Variants in RABIF observed in about 807,000 individuals in gnomAD.
The protein encoded by RABIF is RAB interacting factor.
RABIF carries 13 observed loss-of-function variants against 12.3 expected under a neutral mutation model. The ratio of observed to expected loss-of-function variants is 1.06; its 90% CI spans 0.69 to 1.68. The LOEUF is 1.68. Ranked by LOEUF, RABIF falls within the 40% of genes most tolerant of loss-of-function variation. The pLI, the probability that RABIF is intolerant of heterozygous loss-of-function variation, is 0.00. For synonymous variants in RABIF, 70 were observed against 63.3 expected (o/e 1.11, Z -0.50); for missense variants, 153 against 158.0 (o/e 0.97, Z 0.17).
rs1003887625 is a variant in RABIF, at chr1:202,879,448, T to C, written c.*1530A>G. 6.6e-6 allele frequency: 1 copy of C among 152,256 alleles called. No individual in the cohort carries two copies. The highest frequency in any genetic ancestry group is 1.5e-5 in the Non-Finnish European group (1 of 68,042). The allele number at this position is 152,256 out of a possible 1,614,324, so 9.4% of individuals were successfully genotyped here. A position where few individuals can be genotyped will look rare whatever the true frequency, so the allele number is the denominator to read the frequency against. On this transcript the variant is annotated 3_prime_UTR_variant, in exon 2 of 2. Coordinates refer to ENST00000367262, the MANE Select transcript of RABIF (RefSeq NM_002871.5). ...TTAGCTTAGGTTCTGGCTTGTGATG[T>C]GAGGGGCCATGTGCCCCTAGAGGCA...
intron 1 of RABIF, among the ~76,000 whole-genome samples, chr1:202,885,360 C>T (rs10753925): frequency 0.54 from 82,811 of 152,082 alleles, 23,360 homozygotes; most frequent in Non-Finnish European, 0.62. Flanking sequence ...AGTTCTCCAA[C>T]TGTTCCCATC....
Position 202,889,146 on chromosome 1 carries a change from C to A in RABIF, c.-48G>T. 6.4e-7 allele frequency: 1 copy of A among 1,553,146 alleles called. No homozygotes were observed. Among genetic ancestry groups the A allele is most frequent in the South Asian group, 1.2e-5 (1 of 83,788 alleles). On this transcript the variant is annotated 5_prime_UTR_variant, in exon 1 of 2. Transcript: ENST00000367262. ...TCAGCCACGGCTGCGCAGACGCTGT[C>A]TCTGCTGGCTCGTTATTCACTGCGC...
intron 1 of RABIF, among the ~76,000 whole-genome samples, chr1:202,884,689 G>C (rs894996822): frequency 6.6e-6 from 1 of 152,148 alleles, no homozygotes. Context: ...CCCACAGGCA[G>C]ACGCGTGACG....
At chr1:202,886,574 G>C (rs1186467904) in intron 1 of RABIF, among the ~76,000 whole-genome samples, 3 of 151,984 alleles carry the variant, frequency 2.0e-5, no homozygotes, top group Non-Finnish European at 4.4e-5. Flanking sequence ...GACAGAGGGA[G>C]ACTCCATCTC....
chr1:202,888,197 T>C (rs1302512708), intron 1 of RABIF, among the ~76,000 whole-genome samples: 1 of 152,224 alleles, frequency 6.6e-6, no homozygotes, highest in Non-Finnish European at 1.5e-5. Flanking sequence ...AATGACATTA[T>C]ATTTGCACTT....
chr1:202,881,129 A>G lies in RABIF; in HGVS notation c.221T>C (p.Met74Thr), dbSNP rs749736519. The stretch of plus-strand genomic sequence containing the variant: ...GAAGCCCACATTCTCAAAAATGAAC[A>G]TGTCCTCAACCAGCCAGTGTTCCTG... ...LLQEHWLVED[M>T]FIFENVGFTK... The change falls in exon 2 of 2, where the codon ATG (methionine) becomes ACG (threonine). Residue 74 changes from methionine (M) to threonine (T), a missense_variant. Physicochemically the swap from Met to Thr is moderately conservative, Grantham distance 81. Coordinates refer to ENST00000367262, the MANE Select transcript of RABIF (RefSeq NM_002871.5). 5 of 1,614,020 alleles carry G rather than the reference A, an allele frequency of 3.1e-6. No individual in the cohort carries two copies. The highest frequency in any genetic ancestry group is 4.2e-6 in the Non-Finnish European group (5 of 1,180,036).
intron 1 of RABIF, among the ~76,000 whole-genome samples, chr1:202,887,034 T>G (rs573694075): frequency 3.3e-4 from 50 of 151,328 alleles, no homozygotes; most frequent in Middle Eastern, 3.4e-3. Flanking sequence ...GTTTTGTTTT[T>G]TTTTTTTTTT....
chr1:202,881,745 C>T (rs955972745), intron 1 of RABIF, among the ~76,000 whole-genome samples: 10 of 152,286 alleles, frequency 6.6e-5, no homozygotes, highest in Non-Finnish European at 1.3e-4. Context: ...TCTGGGAACT[C>T]GGTTTCACTG....
intron 1 of RABIF, among the ~76,000 whole-genome samples, chr1:202,882,530 T>C (rs944615117): frequency 3.3e-5 from 5 of 152,138 alleles, no homozygotes; most frequent in African/African-American, 1.2e-4. Flanking sequence ...TACTCCAACC[T>C]GGATGACAGA....
At position 202,878,768 on chromosome 1, in the gene RABIF, T is replaced by C. The variant is rs1659446556; in HGVS notation, c.*2210A>G. Among the ~76,000 whole-genome samples, 3 of 152,276 alleles carry C rather than the reference T, an allele frequency of 2.0e-5. No homozygotes were observed. Among genetic ancestry groups the C allele is most frequent in the Middle Eastern group, 3.4e-3 (1 of 294 alleles). On this transcript the variant is annotated 3_prime_UTR_variant, in exon 2 of 2. Transcript: ENST00000367262. ...GTTGCCTCTATCTACCCACAGCAAA[T>C]AGCAGCTGATTCACAAGTATGTACT...
At chr1:202,881,794 C>T (rs1240873451) in intron 1 of RABIF, among the ~76,000 whole-genome samples, 2 of 152,220 alleles carry the variant, frequency 1.3e-5, no homozygotes, top group Non-Finnish European at 1.5e-5. Context: ...CTAGTTTCCC[C>T]GGCTCATTAT....
At chr1:202,884,693 C>T (rs1013626340) in intron 1 of RABIF, among the ~76,000 whole-genome samples, 5 of 152,136 alleles carry the variant, frequency 3.3e-5, no homozygotes, top group East Asian at 1.9e-4. Flanking sequence ...CAGGCAGACG[C>T]GTGACGGAAT....
At chr1:202,883,789 A>G (rs1372976126) in intron 1 of RABIF, among the ~76,000 whole-genome samples, 1 of 152,226 alleles carries the variant, frequency 6.6e-6, no homozygotes, top group Non-Finnish European at 1.5e-5. Context: ...TTAACGGTCC[A>G]TTCAAGGCAT....
At chr1:202,881,885 T>C (rs1571503869) in intron 1 of RABIF, among the ~76,000 whole-genome samples, 1 of 152,226 alleles carries the variant, frequency 6.6e-6, no homozygotes, top group African/African-American at 2.4e-5. Flanking sequence ...GGCTAGCTCC[T>C]CCTCAGTAGT....
chr1:202,883,151 T>C (rs964158138), intron 1 of RABIF, among the ~76,000 whole-genome samples: 3 of 152,166 alleles, frequency 2.0e-5, no homozygotes, highest in African/African-American at 7.2e-5. Flanking sequence ...CTCATATGGC[T>C]GCTGTCATAT....
At position 202,879,164 on chromosome 1, in the gene RABIF, A is replaced by G. The variant is rs559659689; in HGVS notation, c.*1814T>C. 4 of 152,278 alleles carry G rather than the reference A, an allele frequency of 2.6e-5. No individual in the cohort carries two copies. Among genetic ancestry groups the G allele is most frequent in the African/African-American group, 4.8e-5 (2 of 41,550 alleles). 9.4% of individuals were successfully genotyped at this position (152,278 alleles called of 1,614,324 possible). A position where few individuals can be genotyped will look rare whatever the true frequency, so the allele number is the denominator to read the frequency against. On this transcript the variant is annotated 3_prime_UTR_variant, in exon 2 of 2. Transcript: ENST00000367262. ...TATGGTTTCCTATTCAAGTCGCTAT[A>G]TATTTTTTTGTTGTTACTGTTGTTG...
Position 202,880,903 on chromosome 1 carries a change from A to G in RABIF, c.*75T>C, listed in dbSNP as rs1423492874. The G allele has an allele frequency of 1.9e-6, 3 of 1,576,432 alleles. No homozygotes were observed. The African/African-American group carries it at 4.0e-5, about 21-fold the overall frequency. ...CAGACAAGAAGGCAGCGGAACAGTT[A>G]TACCACATTAAAGGCCAGTTCTTGT... is the stretch of plus-strand genomic sequence containing the variant. On this transcript the variant is annotated 3_prime_UTR_variant, in exon 2 of 2. Transcript: ENST00000367262.
rs76621170 is a variant in RABIF, at chr1:202,885,965, A to C, written c.126+3008T>G. On this transcript the variant is annotated intron_variant, in intron 1 of 1. Coordinates refer to ENST00000367262, the MANE Select transcript of RABIF (RefSeq NM_002871.5). ...AAGCCATTGTTAAAAAACACAACCC[A>C]AAAAAAAAAAAACCCACCTTTTTGC... Among the ~76,000 whole-genome samples, 1,308 of 74,246 alleles carry C rather than the reference A, an allele frequency of 0.018. 4 individuals are homozygous for C. In the East Asian group the frequency reaches 0.33, roughly 19 times the overall value. 48.7% of individuals were successfully genotyped at this position (74,246 alleles called of 152,430 possible).
At chr1:202,885,826 G>A (rs141828588) in intron 1 of RABIF, among the ~76,000 whole-genome samples, 1 of 152,298 alleles carries the variant, frequency 6.6e-6, no homozygotes, top group East Asian at 1.9e-4. Flanking sequence ...AATTAGGACT[G>A]ACAGTAAGGA....
Sources: allele counts gnomAD v4.1 joint callset (sites outside exome capture counted in the v4.1 genomes callset), GRCh38; gene constraint gnomAD v4.1.1; transcripts MANE v1.5; gene names NCBI Gene and HGNC (gene_info 2026-07-23, HGNC 2026-07-21).